The following ARHGAP15 variants were observed in gnomAD, a reference collection of about 807,000 sequenced individuals.
ARHGAP15 encodes the protein rho GTPase-activating protein 15.
A neutral mutation model predicts 63.7 loss-of-function variants in ARHGAP15; 51 were observed. That is an observed-to-expected ratio of 0.80 (90% confidence interval 0.64 to 1.01). The LOEUF is 1.01. Ranked by LOEUF, ARHGAP15 falls within the 50% of genes least tolerant of loss-of-function variation. ARHGAP15 has a pLI of 0.00. For missense variants in ARHGAP15, 560 were observed against 564.6 expected, an observed-to-expected ratio of 0.99 and a Z score of 0.08; for synonymous variants, 191 against 193.8, an observed-to-expected ratio of 0.99 and a Z score of 0.12.
At chr2:143,260,003 T>A (rs959674310) in intron 6 of ARHGAP15, among the ~76,000 whole-genome samples, 4 of 152,170 alleles carry the variant, frequency 2.6e-5, no homozygotes, top group Admixed American at 6.5e-5. Context: ...TGAATTTTTT[T>A]AAGTTATCAG....
chr2:143,420,905 TTTCGCTCCC>T (rs1361769084), intron 6 of ARHGAP15, among the ~76,000 whole-genome samples: 2 of 152,184 alleles, frequency 1.3e-5, no homozygotes, highest in Non-Finnish European at 2.9e-5. Flanking sequence ...AATGTTTAGC[TTTCGCTCCC>T]ATCACACAGA....
chr2:143,388,294 A>C (rs1687386038), intron 6 of ARHGAP15, among the ~76,000 whole-genome samples: 1 of 152,236 alleles, frequency 6.6e-6, no homozygotes, highest in African/African-American at 2.4e-5. Context: ...GACTTGATAA[A>C]TAAGTTGCTA....
At chr2:143,322,831 T>C (rs1382873952) in intron 6 of ARHGAP15, among the ~76,000 whole-genome samples, 1 of 152,238 alleles carries the variant, frequency 6.6e-6, no homozygotes, top group Non-Finnish European at 1.5e-5. Context: ...ACTGGGAGAA[T>C]GGCTAAGGTG....
intron 8 of ARHGAP15, among the ~76,000 whole-genome samples, chr2:143,442,553 C>T (rs1032216098): frequency 2.6e-5 from 4 of 151,904 alleles, no homozygotes; most frequent in Non-Finnish European, 4.4e-5. Flanking sequence ...GCCTCCGAGC[C>T]GGAAGAAATA....
intron 10 of ARHGAP15, among the ~76,000 whole-genome samples, chr2:143,545,052 A>C (rs1370569667): frequency 6.6e-6 from 1 of 152,206 alleles, no homozygotes; most frequent in Non-Finnish European, 1.5e-5. Flanking sequence ...AGGCAGCAAT[A>C]AGCTGAAAAG....
At chr2:143,271,795 A>G (rs1456792083) in intron 6 of ARHGAP15, among the ~76,000 whole-genome samples, 1 of 152,142 alleles carries the variant, frequency 6.6e-6, no homozygotes, top group Non-Finnish European at 1.5e-5. Context: ...AGGTTTTTAT[A>G]CTTTCAAATC....
chr2:143,673,265 G>A (rs1428286297), intron 12 of ARHGAP15, among the ~76,000 whole-genome samples: 9 of 152,092 alleles, frequency 5.9e-5, no homozygotes, highest in Non-Finnish European at 1.3e-4. Flanking sequence ...GACCTAAGAA[G>A]TACGCAGAGA....
chr2:143,504,594 A>G (rs1693218720), intron 9 of ARHGAP15, among the ~76,000 whole-genome samples: 1 of 152,238 alleles, frequency 6.6e-6, no homozygotes, highest in Admixed American at 6.5e-5. Context: ...GTCCCAAGTC[A>G]TGGCTCCCTC....
At chr2:143,144,553 AAG>A in intron 1 of ARHGAP15, among the ~76,000 whole-genome samples, 1 of 152,168 alleles carries the variant, frequency 6.6e-6, no homozygotes, top group East Asian at 1.9e-4. Context: ...TTTTATGCAA[AAG>A]AATTTATTTT....
intron 13 of ARHGAP15, among the ~76,000 whole-genome samples, chr2:143,740,934 A>G (rs1346997102): frequency 2.6e-5 from 4 of 152,198 alleles, no homozygotes; most frequent in African/African-American, 4.8e-5. Flanking sequence ...AAAAAAAAGA[A>G]AAAGAAAGGC....
intron 9 of ARHGAP15, among the ~76,000 whole-genome samples, chr2:143,505,350 C>A (rs1182199091): frequency 1.3e-5 from 2 of 152,172 alleles, no homozygotes; most frequent in Non-Finnish European, 2.9e-5. Flanking sequence ...ATATACAAAG[C>A]AGCATCTCAC....
chr2:143,333,454 A>G (rs1156244417), intron 6 of ARHGAP15, among the ~76,000 whole-genome samples: 1 of 152,214 alleles, frequency 6.6e-6, no homozygotes, highest in African/African-American at 2.4e-5. Context: ...CCACAATTCC[A>G]AAAAGAAACG....
At chr2:143,244,588 C>T (rs1284372662) in intron 5 of ARHGAP15, among the ~76,000 whole-genome samples, 1 of 152,096 alleles carries the variant, frequency 6.6e-6, no homozygotes, top group African/African-American at 2.4e-5. Flanking sequence ...ACGGATGTAG[C>T]GTAGCTGGTG....
At chr2:143,461,540 C>T (rs1214470233) in intron 8 of ARHGAP15, among the ~76,000 whole-genome samples, 2 of 152,030 alleles carry the variant, frequency 1.3e-5, no homozygotes, top group Non-Finnish European at 2.9e-5. Flanking sequence ...TTAGCTTCAC[C>T]ACCATTCGAG....
intron 12 of ARHGAP15, among the ~76,000 whole-genome samples, chr2:143,673,928 A>AAATT (rs937430205): frequency 3.2e-4 from 49 of 151,386 alleles, no homozygotes; most frequent in African/African-American, 1.1e-3. Flanking sequence ...CAGTGGATAA[A>AAATT]AATTAAAATC....
chr2:143,334,889 G>A (rs995904767), intron 6 of ARHGAP15, among the ~76,000 whole-genome samples: 27 of 152,108 alleles, frequency 1.8e-4, no homozygotes, highest in South Asian at 2.1e-4. Flanking sequence ...TCGGGAGTTC[G>A]AGATCAAATA....
chr2:143,392,993 G>C lies in ARHGAP15; in HGVS notation c.475-42608G>C, dbSNP rs567957624. ...AAGTGTGTGTAAAGGAGAAGAAGAG[G>C]GAGAGGAGAAGGATGATTTTCAGAT... is the stretch of plus-strand genomic sequence containing the variant. On this transcript the variant is annotated intron_variant, in intron 6 of 13. Coordinates refer to ENST00000295095, the MANE Select transcript of ARHGAP15 (RefSeq NM_018460.4). 7.2e-5 allele frequency among the ~76,000 whole-genome samples: 11 copies of C among 152,172 alleles called. No homozygotes were observed. In the South Asian group the frequency reaches 2.3e-3, roughly 32 times the overall value.
At chr2:143,430,545 T>G (rs892737485) in intron 6 of ARHGAP15, among the ~76,000 whole-genome samples, 1 of 151,974 alleles carries the variant, frequency 6.6e-6, no homozygotes, top group African/African-American at 2.4e-5. Context: ...AAAATGTGAA[T>G]CTGTGTGGGT....
chr2:143,268,604 G>A (rs747679502), intron 6 of ARHGAP15, among the ~76,000 whole-genome samples: 2 of 152,024 alleles, frequency 1.3e-5, no homozygotes, highest in East Asian at 1.9e-4. Flanking sequence ...AAAATTACAC[G>A]TTAGAGTTTG....
Sources: gnomAD v4.1 joint callset for allele counts (sites outside exome capture counted in the v4.1 genomes callset) on GRCh38, gnomAD v4.1.1 for gene constraint, MANE v1.5 for transcripts, NCBI Gene and HGNC (gene_info 2026-07-23, HGNC 2026-07-21) for gene names.